The following LSAMP variants were observed in gnomAD, a reference collection of about 807,000 sequenced individuals.
The protein encoded by LSAMP is limbic system-associated membrane protein.
A neutral mutation model predicts 38.6 loss-of-function variants in LSAMP; 7 were observed. That is an observed-to-expected ratio of 0.18 (90% CI 0.10 to 0.34). The LOEUF (loss-of-function observed/expected upper bound fraction) is 0.34. Ranked by LOEUF, LSAMP falls within the 10% of genes least tolerant of loss-of-function variation. LSAMP has a pLI of 1.00. For synonymous variants in LSAMP, 154 were observed against 166.8 expected (o/e 0.92, Z 0.59); for missense variants, 313 against 420.0 (o/e 0.75, Z 2.23).
intron 1 of LSAMP, among the ~76,000 whole-genome samples, chr3:116,114,505 T>C (rs1708699548): frequency 6.6e-6 from 1 of 152,184 alleles, no homozygotes; most frequent in South Asian, 2.1e-4. Context: ...GAAATGCTTT[T>C]TTTTTTTCCC....
At chr3:116,435,528 C>T (rs569377230) in intron 1 of LSAMP, among the ~76,000 whole-genome samples, 71 of 152,232 alleles carry the variant, frequency 4.7e-4, no homozygotes, top group Non-Finnish European at 7.9e-4. Flanking sequence ...TCTCACTGCT[C>T]AGAAAACCTC....
chr3:116,219,413 C>T (rs1387638458), intron 1 of LSAMP, among the ~76,000 whole-genome samples: 2 of 152,162 alleles, frequency 1.3e-5, no homozygotes, highest in Admixed American at 6.5e-5. Flanking sequence ...CAATGAACAT[C>T]GGAGTGCTAA....
At chr3:116,392,546 C>T (rs1418454136) in intron 1 of LSAMP, among the ~76,000 whole-genome samples, 1 of 152,222 alleles carries the variant, frequency 6.6e-6, no homozygotes, top group Non-Finnish European at 1.5e-5. Context: ...CTGAGGACAG[C>T]CTGGTGCTGG....
At chr3:116,265,809 G>A (rs1223781522) in intron 1 of LSAMP, among the ~76,000 whole-genome samples, 1 of 148,868 alleles carries the variant, frequency 6.7e-6, no homozygotes, top group East Asian at 2.0e-4. Context: ...AATGATGGCA[G>A]TTGTCTTTCC....
At chr3:116,249,447 G>A (rs1043983118) in intron 1 of LSAMP, among the ~76,000 whole-genome samples, 9 of 151,332 alleles carry the variant, frequency 5.9e-5, no homozygotes, top group East Asian at 3.9e-4. Flanking sequence ...GTGCAGTGGC[G>A]CAATCTCAGC....
At chr3:116,387,936 AC>A (rs1369849338) in intron 1 of LSAMP, among the ~76,000 whole-genome samples, 1 of 151,900 alleles carries the variant, frequency 6.6e-6, no homozygotes, top group East Asian at 1.9e-4. Flanking sequence ...TACTAAAAAT[AC>A]AAAAAAGAAA....
chr3:116,021,512 A>C (rs987742771), intron 2 of LSAMP, among the ~76,000 whole-genome samples: 3 of 152,182 alleles, frequency 2.0e-5, no homozygotes, highest in African/African-American at 7.2e-5. Flanking sequence ...ACTATAAATC[A>C]ATGATAGTGT....
At chr3:115,816,744 G>A (rs1448666179) in intron 6 of LSAMP, 11 of 582,788 alleles carry the variant, frequency 1.9e-5, no homozygotes, top group Middle Eastern at 3.2e-4. Flanking sequence ...ACTGAAAGGC[G>A]AATAAGAGAA....
intron 1 of LSAMP, among the ~76,000 whole-genome samples, chr3:116,125,573 G>C (rs1300755944): frequency 6.6e-6 from 1 of 151,866 alleles, no homozygotes. Context: ...CAACTTGACT[G>C]TCCTGAACTC....
In LSAMP at chr3:115,803,429, C is replaced by T. The variant is rs2107432856; in HGVS notation, c.*6888G>A. 6.6e-6 allele frequency: 1 copy of T among 152,280 alleles called. No homozygotes were observed. Among genetic ancestry groups the T allele is most frequent in the South Asian group, 2.1e-4 (1 of 4,828 alleles). 9.4% of individuals were successfully genotyped at this position (152,280 alleles called of 1,614,324 possible). On this transcript the variant is annotated 3_prime_UTR_variant, in exon 7 of 7. Coordinates refer to ENST00000490035, the MANE Select transcript of LSAMP (RefSeq NM_002338.5). ...CCTGAGCCTCTAGGACAGCTTAGGACAAGAGGATCTGTGCTCAATGCATCT... is the reference window on the plus strand; with the variant it reads ...CCTGAGCCTCTAGGACAGCTTAGGATAAGAGGATCTGTGCTCAATGCATCT...
At chr3:115,917,707 C>A (rs901885204) in intron 3 of LSAMP, among the ~76,000 whole-genome samples, 1 of 151,928 alleles carries the variant, frequency 6.6e-6, no homozygotes, top group African/African-American at 2.4e-5. Flanking sequence ...ATATAGCACC[C>A]CCAGTAGGGA....
chr3:116,406,301 C>T (rs1277026740), intron 1 of LSAMP, among the ~76,000 whole-genome samples: 1 of 152,180 alleles, frequency 6.6e-6, no homozygotes, highest in Non-Finnish European at 1.5e-5. Flanking sequence ...CTTTCTATGT[C>T]TTGGAAATCA....
At chr3:115,810,697 G>A (rs945978064) in intron 6 of LSAMP, among the ~76,000 whole-genome samples, 1 of 152,180 alleles carries the variant, frequency 6.6e-6, no homozygotes. Context: ...GTGTCTGATG[G>A]TACAGCAGGC....
intron 1 of LSAMP, among the ~76,000 whole-genome samples, chr3:116,214,117 C>T (rs1167407446): frequency 6.6e-6 from 1 of 152,050 alleles, no homozygotes; most frequent in Non-Finnish European, 1.5e-5. Context: ...GCATACACAT[C>T]TCATACTGAA....
At chr3:115,820,281 TA>T (rs1329384774) in intron 6 of LSAMP, among the ~76,000 whole-genome samples, 2 of 152,222 alleles carry the variant, frequency 1.3e-5, no homozygotes, top group Admixed American at 6.5e-5. Flanking sequence ...GACTTCTAAC[TA>T]AATATTAATC....
intron 1 of LSAMP, among the ~76,000 whole-genome samples, chr3:116,440,795 G>A (rs1241165725): frequency 1.3e-5 from 2 of 152,150 alleles, no homozygotes; most frequent in Non-Finnish European, 2.9e-5. Context: ...ATAACATTTA[G>A]TGATTTAACT....
In LSAMP at chr3:116,086,026, G is replaced by A. The variant is rs577199914; in HGVS notation, c.388+298C>T. On this transcript the variant is annotated intron_variant, in intron 2 of 6. Transcript: ENST00000490035. Reference sequence around the variant, plus strand: ...TGGCCCTAGGCATTCTGTGTGTTCTGGTATCCCTGATTTACATTGTTCCAA... The same window carrying A: ...TGGCCCTAGGCATTCTGTGTGTTCTAGTATCCCTGATTTACATTGTTCCAA... Among the ~76,000 whole-genome samples, 87 of 152,214 alleles carry A rather than the reference G, an allele frequency of 5.7e-4. 1 individual carries two copies. The highest frequency in any genetic ancestry group is 1.3e-3 in the Admixed American group (20 of 15,286).
intron 3 of LSAMP, among the ~76,000 whole-genome samples, chr3:115,870,826 T>C (rs990827783): frequency 3.3e-5 from 5 of 152,270 alleles, no homozygotes; most frequent in Admixed American, 6.5e-5. Context: ...CCAGGAGAGA[T>C]GCAGTAAAAG....
intron 1 of LSAMP, among the ~76,000 whole-genome samples, chr3:116,185,834 T>C (rs1018478776): frequency 1.3e-5 from 2 of 150,942 alleles, no homozygotes; most frequent in African/African-American, 4.9e-5. Flanking sequence ...CACCCAGTGC[T>C]ATTACTTACT....
Sources: allele counts gnomAD v4.1 joint callset (sites outside exome capture counted in the v4.1 genomes callset), GRCh38; gene constraint gnomAD v4.1.1; transcripts MANE v1.5; gene names NCBI Gene and HGNC (gene_info 2026-07-23, HGNC 2026-07-21).